TTC27: variants seen among roughly 807,000 people sequenced by gnomAD.
TTC27 encodes tetratricopeptide repeat protein 27.
TTC27 carries 79 observed loss-of-function variants against 115.9 expected under a neutral mutation model. The observed-to-expected ratio is 0.68, with a 90% CI of 0.57 to 0.82. The LOEUF (loss-of-function observed/expected upper bound fraction) is 0.82. TTC27 is among the 40% of genes least tolerant of loss of function. TTC27 has a pLI of 0.00. For missense variants in TTC27, 1,054 were observed against 993.1 expected, an observed-to-expected ratio of 1.06 and a Z score of -0.82; for synonymous variants, 401 against 356.0, an observed-to-expected ratio of 1.13 and a Z score of -1.42.
chr2:32,642,102 C>T (rs1253111926), intron 4 of TTC27, among the ~76,000 whole-genome samples: 1 of 152,120 alleles, frequency 6.6e-6, no homozygotes, highest in Non-Finnish European at 1.5e-5. Context: ...GGTGATCTGC[C>T]TACCTCAGCC....
chr2:32,633,927 G>C lies in TTC27; in HGVS notation c.318G>C (p.Gln106His). ...LGVSSLQLFV[Q>H]SNWTGPPVDL... ...TGAGCAGTTTGCAACTTTTTGTTCA[G>C]AGCAACTGGACGGGGCCCCCTGTTG... The change falls in exon 3 of 20, where the codon CAG becomes CAC. Residue 106 changes from glutamine to histidine, a missense_variant. Coordinates refer to ENST00000317907, the MANE Select transcript of TTC27 (RefSeq NM_017735.5). 1 of 1,614,012 alleles carries C rather than the reference G, an allele frequency of 6.2e-7. No homozygotes were observed. The highest frequency in any genetic ancestry group is 8.5e-7 in the Non-Finnish European group (1 of 1,179,964).
intron 10 of TTC27, among the ~76,000 whole-genome samples, chr2:32,728,249 G>A (rs977953448): frequency 6.6e-6 from 1 of 152,012 alleles, no homozygotes; most frequent in Non-Finnish European, 1.5e-5. Context: ...CACCCTGTTA[G>A]CCAGGATGGT....
At chr2:32,701,760 G>C (rs1667190254) in intron 9 of TTC27, among the ~76,000 whole-genome samples, 1 of 152,054 alleles carries the variant, frequency 6.6e-6, no homozygotes, top group Non-Finnish European at 1.5e-5. Flanking sequence ...TCTTAAAGTT[G>C]GCTACGCTTG....
chr2:32,758,390 G>C lies in TTC27; in HGVS notation c.1551G>C (p.Lys517Asn). The C allele has an allele frequency of 6.2e-7, 1 of 1,614,168 alleles. No individual in the cohort carries two copies. The highest frequency in any genetic ancestry group is 8.5e-7 in the Non-Finnish European group (1 of 1,180,028). The part of the protein sequence containing the change: ...DVLGDHSCYD[K>N]AWELSRYRSA... ...TCGGAGACCATTCTTGCTATGACAA[G>C]GCCTGGGAGTTGTCCCGGTACCGCA... is the stretch of plus-strand genomic sequence containing the variant. Residue 517 changes from lysine (K) to asparagine (N), a missense_variant, in exon 13 of 20, where the codon AAG (lysine) becomes AAC (asparagine). Lys to Asn is a moderately conservative substitution (Grantham distance 94). Coordinates refer to ENST00000317907, the MANE Select transcript of TTC27 (RefSeq NM_017735.5).
chr2:32,732,546 C>G (rs12712330), intron 10 of TTC27, among the ~76,000 whole-genome samples: 74,294 of 152,034 alleles, frequency 0.49, 18,478 homozygotes, highest in Middle Eastern at 0.55. Context: ...ATGGTAGATT[C>G]CCGTCCTTTT....
chr2:32,800,384 T>C (rs1670881222), intron 16 of TTC27, among the ~76,000 whole-genome samples: 1 of 152,170 alleles, frequency 6.6e-6, no homozygotes, highest in Admixed American at 6.5e-5. Context: ...GGTTTCACCA[T>C]GTTGGCCAGG....
At chr2:32,665,191 T>C (rs1665726455) in intron 6 of TTC27, among the ~76,000 whole-genome samples, 1 of 152,086 alleles carries the variant, frequency 6.6e-6, no homozygotes, top group South Asian at 2.1e-4. Flanking sequence ...AGTAAAATCC[T>C]TCCAATATAT....
At chr2:32,708,304 G>GTTTTTTTTTTTTGTTTTTT (rs1667450838) in intron 10 of TTC27, among the ~76,000 whole-genome samples, 2 of 61,348 alleles carry the variant, frequency 3.3e-5, no homozygotes. Flanking sequence ...TCTCTACCTT[G>GTTTTTTTTTTTTGTTTTTT]TTTTTTTTTT....
chr2:32,811,172 C>T lies in TTC27; in HGVS notation c.2147C>T (p.Ala716Val), dbSNP rs1558356178. Reference protein sequence around the residue: ...TNDGEIWRLYAHVYGNGQSEK... With the variant: ...TNDGEIWRLYVHVYGNGQSEK... ...GATGGAGAAATCTGGAGGCTGTATG[C>T]CCACGTATATGGAAATGGGCAGAGT... The change falls in exon 17 of 20, where the codon GCC becomes GTC. Residue 716 changes from alanine (A) to valine (V), a missense_variant. Ala to Val is a moderately conservative substitution (Grantham distance 64). Coordinates refer to ENST00000317907, the MANE Select transcript of TTC27 (RefSeq NM_017735.5). The T allele has an allele frequency of 6.2e-7, 1 of 1,614,002 alleles. No homozygotes were observed. The highest frequency in any genetic ancestry group is 1.6e-4 in the Middle Eastern group (1 of 6,062).
At chr2:32,694,044 A>G (rs1666901588) in intron 9 of TTC27, among the ~76,000 whole-genome samples, 1 of 152,232 alleles carries the variant, frequency 6.6e-6, no homozygotes, top group African/African-American at 2.4e-5. Flanking sequence ...TTTGCAGTTG[A>G]GTAGTTACTG....
intron 13 of TTC27, among the ~76,000 whole-genome samples, chr2:32,764,388 A>G (rs892444651): frequency 6.6e-6 from 1 of 152,184 alleles, no homozygotes; most frequent in East Asian, 1.9e-4. Context: ...CAATACTATT[A>G]TGTCTAAAAA....
At chr2:32,808,411 A>G (rs1671207714) in intron 16 of TTC27, among the ~76,000 whole-genome samples, 1 of 152,294 alleles carries the variant, frequency 6.6e-6, no homozygotes, top group South Asian at 2.1e-4. Flanking sequence ...TGGCCATTGA[A>G]CATGCAGATG....
At chr2:32,697,950 A>G (rs761943504) in intron 9 of TTC27, among the ~76,000 whole-genome samples, 4 of 151,954 alleles carry the variant, frequency 2.6e-5, no homozygotes, top group Non-Finnish European at 5.9e-5. Context: ...ATGGGGTTTC[A>G]CTGTGTTGGC....
At chr2:32,713,678 G>C (rs1016443104) in intron 10 of TTC27, among the ~76,000 whole-genome samples, 3 of 152,128 alleles carry the variant, frequency 2.0e-5, no homozygotes, top group African/African-American at 7.2e-5. Context: ...CCTGAAGTCT[G>C]TTTATACTGC....
At chr2:32,728,306 G>T (rs1415643514) in intron 10 of TTC27, among the ~76,000 whole-genome samples, 1 of 152,074 alleles carries the variant, frequency 6.6e-6, no homozygotes, top group Non-Finnish European at 1.5e-5. Flanking sequence ...CTCCCAAAGT[G>T]CTGGGATTAC....
chr2:32,694,248 T>A (rs1666909155), intron 9 of TTC27, among the ~76,000 whole-genome samples: 1 of 152,212 alleles, frequency 6.6e-6, no homozygotes, highest in Non-Finnish European at 1.5e-5. Flanking sequence ...CATAAAAATG[T>A]GTCCTTTGGG....
intron 14 of TTC27, among the ~76,000 whole-genome samples, chr2:32,781,740 C>T (rs1465846378): frequency 6.6e-6 from 1 of 152,116 alleles, no homozygotes; most frequent in African/African-American, 2.4e-5. Context: ...ACCACTGCAC[C>T]CAGCCCTCTA....
chr2:32,654,274 T>C (rs555134617), intron 5 of TTC27, among the ~76,000 whole-genome samples: 2 of 152,352 alleles, frequency 1.3e-5, no homozygotes, highest in East Asian at 3.9e-4. Context: ...CTAACATTTC[T>C]ATAGTGTATA....
intron 13 of TTC27, among the ~76,000 whole-genome samples, chr2:32,766,942 C>T (rs1285788641): frequency 2.0e-5 from 3 of 152,082 alleles, no homozygotes; most frequent in South Asian, 2.1e-4. Context: ...TGCACCACCA[C>T]GACCGGCTAA....
Sources: gnomAD v4.1 joint callset for allele counts (sites outside exome capture counted in the v4.1 genomes callset) on GRCh38, gnomAD v4.1.1 for gene constraint, MANE v1.5 for transcripts, NCBI Gene and HGNC (gene_info 2026-07-23, HGNC 2026-07-21) for gene names.